Variants in COL5A2 observed in about 807,000 individuals in gnomAD.
COL5A2 encodes collagen alpha-2(V) chain.
In COL5A2, 23 loss-of-function variants were observed where a neutral mutation model predicts 208.2. The ratio of observed to expected loss-of-function variants is 0.11; its 90% CI spans 0.08 to 0.16. The LOEUF (loss-of-function observed/expected upper bound fraction) is 0.16. COL5A2 is among the 10% of genes least tolerant of loss of function. The pLI is 1.00. For synonymous variants in COL5A2, 625 were observed against 628.5 expected, an observed-to-expected ratio of 0.99 and a Z score of 0.08; for missense variants, 1,590 against 1,956.4, an observed-to-expected ratio of 0.81 and a Z score of 3.53.
At chr2:189,156,350 T>G (rs1487507934) in intron 1 of COL5A2, among the ~76,000 whole-genome samples, 2 of 152,110 alleles carry the variant, frequency 1.3e-5, no homozygotes, top group East Asian at 3.8e-4. Context: ...ATTTCAAAAT[T>G]TCTTCTTTGG....
chr2:189,354,910 G>T, the COL5A2 span, among the ~76,000 whole-genome samples: 2 of 151,972 alleles, frequency 1.3e-5, no homozygotes, highest in African/African-American at 4.8e-5. Flanking sequence ...TTCTCTTGTG[G>T]GTATTTAGTG....
chr2:189,297,594 A>C, the COL5A2 span, among the ~76,000 whole-genome samples: 1 of 152,244 alleles, frequency 6.6e-6, no homozygotes, highest in African/African-American at 2.4e-5. Context: ...AGATGCTTTC[A>C]TATTGTGTGA....
At chr2:189,433,038 C>T in the COL5A2 span, among the ~76,000 whole-genome samples, 15 of 152,096 alleles carry the variant, frequency 9.9e-5, no homozygotes, top group South Asian at 2.1e-4. Flanking sequence ...CACTCGAAAC[C>T]GTGCAACTAC....
chr2:189,206,012 G>C (rs1040975740), intron 1 of COL5A2, among the ~76,000 whole-genome samples: 1 of 152,030 alleles, frequency 6.6e-6, no homozygotes, highest in East Asian at 1.9e-4. Flanking sequence ...TTAAGTCTGC[G>C]GTAAACTTTT....
At chr2:189,084,077 T>G (rs1299344750) in intron 11 of COL5A2, 40 bp from the exon 12 acceptor site, 1 of 1,382,188 alleles carries the variant, frequency 7.2e-7, no homozygotes, top group Non-Finnish European at 1.0e-6. Context: ...AAGGCAAAAG[T>G]GATTAAAAGG....
intron 1 of COL5A2, among the ~76,000 whole-genome samples, chr2:189,175,912 A>G (rs919903735): frequency 6.6e-6 from 1 of 152,176 alleles, no homozygotes; most frequent in African/African-American, 2.4e-5. Flanking sequence ...CCACTATAAA[A>G]GTCTGAATGT....
the COL5A2 span, among the ~76,000 whole-genome samples, chr2:189,309,473 G>T: frequency 2.0e-5 from 3 of 152,152 alleles, no homozygotes; most frequent in Non-Finnish European, 4.4e-5. Flanking sequence ...AGGCCACTGC[G>T]CATGCAGACT....
chr2:189,087,872 TC>T (rs1686698871), intron 8 of COL5A2, among the ~76,000 whole-genome samples: 1 of 151,362 alleles, frequency 6.6e-6, no homozygotes, highest in Non-Finnish European at 1.5e-5. Context: ...TAATTTAAAC[TC>T]CAAATGGATA....
At chr2:189,171,510 A>T (rs1391086682) in intron 1 of COL5A2, among the ~76,000 whole-genome samples, 3 of 152,174 alleles carry the variant, frequency 2.0e-5, no homozygotes, top group Non-Finnish European at 4.4e-5. Flanking sequence ...AACATTTAGC[A>T]GGTAAAATGG....
At position 189,087,026 on chromosome 2, in the gene COL5A2, T is replaced by C. The variant is rs188508896; in HGVS notation, c.646-256A>G. On this transcript the variant is annotated intron_variant, in intron 8 of 53. Transcript: ENST00000374866. ...GCCATATGTCTGTACACACCCAATGTCTTTAGAACAAGAACACTTGCATGT... is the reference window on the plus strand; with the variant it reads ...GCCATATGTCTGTACACACCCAATGCCTTTAGAACAAGAACACTTGCATGT... Among the ~76,000 whole-genome samples the C allele has an allele frequency of 2.1e-3, 321 of 152,304 alleles. 1 individual carries two copies. Among genetic ancestry groups the C allele is most frequent in the African/African-American group, 6.5e-3 (272 of 41,572 alleles).
At position 189,033,219 on chromosome 2, in the gene COL5A2, T is replaced by A. The variant is rs1685372669; in HGVS notation, c.*851A>T. The A allele has an allele frequency of 6.6e-6, 1 of 152,616 alleles. No homozygotes were observed. Among genetic ancestry groups the A allele is most frequent in the African/African-American group, 2.4e-5 (1 of 41,460 alleles). 9.5% of individuals were successfully genotyped at this position (152,616 alleles called of 1,614,324 possible). A position where few individuals can be genotyped will look rare whatever the true frequency, so the allele number is the denominator to read the frequency against. ...GTCCTTGGACATATGTTTGTAAAGT[T>A]CTATATGTCAATTATTTTGCATTCA... On this transcript the variant is annotated 3_prime_UTR_variant, in exon 54 of 54. Transcript: ENST00000374866.
At chr2:189,179,923 C>G (rs1055853099), upstream of COL5A2, 36 of 530,028 alleles carry the variant, frequency 6.8e-5, 2 homozygotes, top group Admixed American at 9.8e-4. Flanking sequence ...GTCTCTGTGC[C>G]TGAACTTTCC....
At chr2:189,309,481 AC>A in the COL5A2 span, among the ~76,000 whole-genome samples, 2 of 151,928 alleles carry the variant, frequency 1.3e-5, no homozygotes, top group Admixed American at 1.3e-4. Context: ...GCGCATGCAG[AC>A]TCCCCACCCC....
At chr2:189,235,217 G>A in the COL5A2 span, among the ~76,000 whole-genome samples, 1 of 151,706 alleles carries the variant, frequency 6.6e-6, no homozygotes, top group African/African-American at 2.4e-5. Flanking sequence ...AGAGTTTCTG[G>A]CACACACATT....
the COL5A2 span, among the ~76,000 whole-genome samples, chr2:189,382,291 A>C: frequency 1.3e-5 from 2 of 152,134 alleles, no homozygotes; most frequent in Admixed American, 1.3e-4. Context: ...CGGGGAGGTC[A>C]AGGCTGCAAT....
intron 2 of COL5A2, among the ~76,000 whole-genome samples, chr2:189,109,235 T>C (rs901337365): frequency 2.6e-5 from 4 of 152,078 alleles, no homozygotes; most frequent in Admixed American, 2.6e-4. Context: ...ACTTTATTCC[T>C]GGGCTGTTTT....
the COL5A2 span, among the ~76,000 whole-genome samples, chr2:189,323,936 A>G: frequency 6.6e-6 from 1 of 152,262 alleles, no homozygotes; most frequent in Non-Finnish European, 1.5e-5. Context: ...ACAAGGCTAC[A>G]GTAACTAAAA....
At chr2:189,111,992 A>G (rs1687290395) in intron 1 of COL5A2, among the ~76,000 whole-genome samples, 1 of 152,062 alleles carries the variant, frequency 6.6e-6, no homozygotes, top group African/African-American at 2.4e-5. Flanking sequence ...CAGCCTCCCA[A>G]GTAGCTGGGA....
At chr2:189,138,757 A>G (rs1172252592) in intron 1 of COL5A2, among the ~76,000 whole-genome samples, 2 of 152,232 alleles carry the variant, frequency 1.3e-5, no homozygotes, top group African/African-American at 4.8e-5. Context: ...GATATATCAA[A>G]GGGACACAGA....
Sources: allele counts gnomAD v4.1 joint callset (sites outside exome capture counted in the v4.1 genomes callset), GRCh38; gene constraint gnomAD v4.1.1; transcripts MANE v1.5; gene names NCBI Gene and HGNC (gene_info 2026-07-23, HGNC 2026-07-21).